Variants in CDH12 observed in about 807,000 individuals in gnomAD.
CDH12 encodes the protein cadherin-12.
A neutral mutation model predicts 74.1 loss-of-function variants in CDH12; 41 were observed. That is an observed-to-expected ratio of 0.55 (90% confidence interval 0.43 to 0.72). The LOEUF is 0.72. Among genes scored for constraint, CDH12 ranks in the 30% least tolerant of loss-of-function variants. The pLI, the probability that CDH12 is intolerant of heterozygous loss-of-function variation, is 0.00. For missense variants in CDH12, 945 were observed against 977.2 expected, an observed-to-expected ratio of 0.97 and a Z score of 0.44; for synonymous variants, 399 against 355.0, an observed-to-expected ratio of 1.12 and a Z score of -1.39.
At chr5:21,820,215 C>T (rs990240541) in intron 8 of CDH12, among the ~76,000 whole-genome samples, 3 of 151,896 alleles carry the variant, frequency 2.0e-5, no homozygotes, top group South Asian at 4.1e-4. Flanking sequence ...TATAAAAGAA[C>T]ATTTTATGGG....
intron 1 of CDH12, among the ~76,000 whole-genome samples, chr5:22,667,041 G>A (rs576222760): frequency 6.6e-6 from 1 of 152,114 alleles, no homozygotes; most frequent in African/African-American, 2.4e-5. Context: ...TCCTATATCA[G>A]GATCCTTGCA....
intron 6 of CDH12, among the ~76,000 whole-genome samples, chr5:21,964,113 T>C (rs942702396): frequency 2.0e-5 from 3 of 151,966 alleles, no homozygotes; most frequent in African/African-American, 7.2e-5. Context: ...CTAGCACTTA[T>C]TTAAATGCCC....
chr5:21,930,767 G>T (rs903039736), intron 6 of CDH12, among the ~76,000 whole-genome samples: 4 of 152,102 alleles, frequency 2.6e-5, no homozygotes, highest in Non-Finnish European at 5.9e-5. Flanking sequence ...AATTGTTGAG[G>T]TTAATGAAAT....
intron 2 of CDH12, among the ~76,000 whole-genome samples, chr5:22,497,001 T>G (rs1561448592): frequency 6.6e-6 from 1 of 152,202 alleles, no homozygotes; most frequent in African/African-American, 2.4e-5. Flanking sequence ...TGTGTGATCT[T>G]GGAAAATATT....
At chr5:22,270,302 A>G (rs1039486875) in intron 3 of CDH12, among the ~76,000 whole-genome samples, 6 of 152,150 alleles carry the variant, frequency 3.9e-5, no homozygotes, top group Non-Finnish European at 7.4e-5. Flanking sequence ...GGTTTTAAAA[A>G]TATTTTATTT....
chr5:21,815,367 T>C (rs1418048717), intron 9 of CDH12, among the ~76,000 whole-genome samples: 1 of 152,158 alleles, frequency 6.6e-6, no homozygotes, highest in Non-Finnish European at 1.5e-5. Flanking sequence ...AGCTTCACTT[T>C]TCTGCCTTTA....
intron 1 of CDH12, among the ~76,000 whole-genome samples, chr5:22,678,048 G>A (rs528460997): frequency 6.6e-6 from 1 of 151,552 alleles, no homozygotes; most frequent in South Asian, 2.1e-4. Context: ...TCCTCATGGG[G>A]GGGGGGGTTA....
At chr5:22,244,323 C>G (rs1752842936) in intron 3 of CDH12, among the ~76,000 whole-genome samples, 1 of 151,438 alleles carries the variant, frequency 6.6e-6, no homozygotes, top group Admixed American at 6.6e-5. Context: ...AACCCTTTCT[C>G]TCATAAAAAT....
chr5:21,936,453 C>A (rs1480414863), intron 6 of CDH12, among the ~76,000 whole-genome samples: 3 of 151,788 alleles, frequency 2.0e-5, no homozygotes, highest in Non-Finnish European at 2.9e-5. Context: ...CTTGTCTCAG[C>A]CAATGTAATG....
intron 3 of CDH12, among the ~76,000 whole-genome samples, chr5:22,242,737 C>T (rs1752794118): frequency 6.6e-6 from 1 of 152,136 alleles, no homozygotes; most frequent in Non-Finnish European, 1.5e-5. Context: ...GCCTCCCGCT[C>T]CTCTTGGATC....
chr5:21,902,308 GTA>G (rs200572916), intron 6 of CDH12, among the ~76,000 whole-genome samples: 1 of 149,842 alleles, frequency 6.7e-6, no homozygotes, highest in Non-Finnish European at 1.5e-5. Flanking sequence ...GTATATATGT[GTA>G]TATATATATA....
intron 4 of CDH12, among the ~76,000 whole-genome samples, chr5:22,117,479 T>TATATATATA (rs1561128882): frequency 6.9e-4 from 38 of 55,036 alleles, no homozygotes; most frequent in Admixed American, 1.1e-3. Flanking sequence ...ATATATATAT[T>TATATATATA]ATATATATAT....
At chr5:22,141,513 A>G (rs1485438929) in intron 4 of CDH12, 1 of 152,184 alleles carries the variant, frequency 6.6e-6, no homozygotes, top group Admixed American at 6.6e-5. Flanking sequence ...GAGGTGGTGG[A>G]CACACATTCT....
intron 9 of CDH12, among the ~76,000 whole-genome samples, chr5:21,816,146 C>T (rs1167331106): frequency 2.6e-5 from 4 of 152,084 alleles, no homozygotes; most frequent in Non-Finnish European, 4.4e-5. Flanking sequence ...CTGCCTCTGC[C>T]ATCCCTGACA....
chr5:22,337,326 A>T (rs1017036666), intron 3 of CDH12, among the ~76,000 whole-genome samples: 1 of 152,098 alleles, frequency 6.6e-6, no homozygotes, highest in African/African-American at 2.4e-5. Flanking sequence ...TTGGGGGACT[A>T]TTAGGAAGGC....
intron 3 of CDH12, among the ~76,000 whole-genome samples, chr5:22,366,960 A>G (rs1741059571): frequency 6.6e-6 from 1 of 152,216 alleles, no homozygotes; most frequent in African/African-American, 2.4e-5. Context: ...TGGGAAGAAC[A>G]AAGTCCATTA....
At chr5:22,214,600 C>G (rs1751727673) in intron 3 of CDH12, among the ~76,000 whole-genome samples, 1 of 152,138 alleles carries the variant, frequency 6.6e-6, no homozygotes, top group South Asian at 2.1e-4. Flanking sequence ...CACTCCGTTT[C>G]TCGTATTGGT....
chr5:22,804,542 T>G (rs964028318), intron 1 of CDH12, among the ~76,000 whole-genome samples: 1 of 152,166 alleles, frequency 6.6e-6, no homozygotes, highest in Admixed American at 6.5e-5. Flanking sequence ...TCGATCAGGC[T>G]GAAACCTCTG....
chr5:22,739,299 T>A (rs1216167762), intron 1 of CDH12, among the ~76,000 whole-genome samples: 2 of 148,172 alleles, frequency 1.3e-5, no homozygotes, highest in Non-Finnish European at 3.0e-5. Flanking sequence ...TACAACATTT[T>A]TGAATTTAAA....
Sources: gnomAD v4.1 joint callset for allele counts (sites outside exome capture counted in the v4.1 genomes callset) on GRCh38, gnomAD v4.1.1 for gene constraint, MANE v1.5 for transcripts, NCBI Gene and HGNC (gene_info 2026-07-23, HGNC 2026-07-21) for gene names.